DAW1: variants seen among roughly 807,000 people sequenced by gnomAD.
DAW1 encodes dynein assembly factor with WD repeats 1.
In DAW1, 47 loss-of-function variants were observed where a neutral mutation model predicts 56.5. That is an observed-to-expected ratio of 0.83 (90% confidence interval 0.66 to 1.06). The LOEUF is 1.06. Ranked by LOEUF, DAW1 falls within the 50% of genes least tolerant of loss-of-function variation. The pLI is 0.00. For synonymous variants in DAW1, 190 were observed against 179.0 expected (o/e 1.06, Z -0.49); for missense variants, 505 against 499.3 (o/e 1.01, Z -0.11).
chr2:227,896,319 A>ATAATGCCATATCCT (rs1315072377), intron 5 of DAW1, among the ~76,000 whole-genome samples: 3 of 152,206 alleles, frequency 2.0e-5, no homozygotes, highest in African/African-American at 4.8e-5. Context: ...TCTCTATAAC[A>ATAATGCCATATCCT]TAATGCCATA....
intron 9 of DAW1, 32 bp from the exon 10 acceptor site, chr2:227,907,103 CTTT>C: frequency 8.7e-7 from 1 of 1,143,062 alleles, no homozygotes; most frequent in Non-Finnish European, 1.2e-6. Context: ...AAGTCATAGT[CTTT>C]TTTTTTTTGT....
chr2:227,923,364 A>C (rs1692152879), intron 12 of DAW1, among the ~76,000 whole-genome samples: 2 of 152,220 alleles, frequency 1.3e-5, no homozygotes, highest in Non-Finnish European at 2.9e-5. Context: ...ATTTGTTAAA[A>C]CATGAAGTGT....
chr2:227,887,032 G>C (rs1246615121), intron 2 of DAW1, among the ~76,000 whole-genome samples: 1 of 152,178 alleles, frequency 6.6e-6, no homozygotes, highest in Non-Finnish European at 1.5e-5. Flanking sequence ...TGATGAGAGA[G>C]GGGCTCTCTT....
chr2:227,903,022 T>C lies in DAW1; in HGVS notation c.561T>C (p.Pro187=). 1 of 1,614,190 alleles carries C rather than the reference T, an allele frequency of 6.2e-7. No homozygotes were observed. Among genetic ancestry groups the C allele is most frequent in the South Asian group, 1.1e-5 (1 of 91,078 alleles). The change falls in exon 7 of 13, where the codon CCT becomes CCC. Residue 187 remains proline, a synonymous_variant. Transcript: ENST00000309931. ...TAEIVCLSFN[P]QSTLVATGSM... ...TTTAGGTGTGTTTATCATTTAACCC[T>C]CAAAGCACATTGGTGGCGACTGGAA...
chr2:227,890,229 T>C (rs1441249897), intron 3 of DAW1, among the ~76,000 whole-genome samples: 1 of 152,224 alleles, frequency 6.6e-6, no homozygotes, highest in African/African-American at 2.4e-5. Context: ...CAGCTCTTCA[T>C]ATAATGATAA....
intron 10 of DAW1, among the ~76,000 whole-genome samples, chr2:227,916,514 A>G (rs1270179213): frequency 1.3e-5 from 2 of 152,148 alleles, no homozygotes; most frequent in African/African-American, 2.4e-5. Flanking sequence ...ATCTACTTGA[A>G]AACCAAGTAT....
At chr2:227,904,231 A>G (rs1177563997) in intron 7 of DAW1, among the ~76,000 whole-genome samples, 2 of 152,230 alleles carry the variant, frequency 1.3e-5, no homozygotes, top group East Asian at 1.9e-4. Context: ...AAATCAAGTT[A>G]TAATTCAACT....
intron 6 of DAW1, among the ~76,000 whole-genome samples, chr2:227,901,875 G>T (rs1691554584): frequency 1.3e-5 from 2 of 152,166 alleles, no homozygotes; most frequent in South Asian, 4.1e-4. Flanking sequence ...CTAGTCTACA[G>T]GGAAGGAAAA....
chr2:227,882,927 T>C (rs146002205), intron 1 of DAW1, among the ~76,000 whole-genome samples: 461 of 152,292 alleles, frequency 3.0e-3, no homozygotes, highest in Middle Eastern at 6.8e-3. Flanking sequence ...GAACTGTGAG[T>C]CAATTAAACC....
intron 1 of DAW1, among the ~76,000 whole-genome samples, chr2:227,878,218 C>T (rs1053540282): frequency 4.6e-5 from 7 of 152,156 alleles, no homozygotes; most frequent in African/African-American, 1.7e-4. Flanking sequence ...TTTATTTACT[C>T]AAGCATTTAT....
At chr2:227,902,872 C>A in intron 6 of DAW1, 130 bp from the exon 7 acceptor site, 3 of 900,692 alleles carry the variant, frequency 3.3e-6, no homozygotes, top group Middle Eastern at 2.3e-4. Context: ...GCAGGTCACA[C>A]ATACGTGGGG....
chr2:227,899,570 C>T (rs1691490009), intron 6 of DAW1, among the ~76,000 whole-genome samples: 1 of 152,144 alleles, frequency 6.6e-6, no homozygotes, highest in African/African-American at 2.4e-5. Flanking sequence ...AAAGAATGTG[C>T]TAATAACTAT....
In DAW1 at chr2:227,923,848, G is replaced by A. The variant is rs557481156; in HGVS notation, c.1214-86G>A. On this transcript the variant is annotated intron_variant, in intron 12 of 12. Transcript: ENST00000309931. Reference sequence around the variant, plus strand: ...ATTTAGCAAGTTGTTAATTACCAATGGCCCAGAAAATGTCAACTTGTAGAA... The same window carrying A: ...ATTTAGCAAGTTGTTAATTACCAATAGCCCAGAAAATGTCAACTTGTAGAA... 409 of 1,528,338 alleles carry A rather than the reference G, an allele frequency of 2.7e-4. 1 individual carries two copies. In the African/African-American group the frequency reaches 5.1e-3, roughly 19 times the overall value. The allele number at this position is 1,528,338 out of a possible 1,614,324, so 94.7% of individuals were successfully genotyped here. A position where few individuals can be genotyped will look rare whatever the true frequency, so the allele number is the denominator to read the frequency against.
chr2:227,899,187 C>G (rs10200305), intron 6 of DAW1, among the ~76,000 whole-genome samples: 99,910 of 151,322 alleles, frequency 0.66, 33,284 homozygotes, highest in East Asian at 0.82. Flanking sequence ...TACCTTAAAT[C>G]TTTTTAATCA....
At chr2:227,907,610 C>T (rs1317094136) in intron 10 of DAW1, among the ~76,000 whole-genome samples, 4 of 152,068 alleles carry the variant, frequency 2.6e-5, no homozygotes, top group African/African-American at 7.2e-5. Context: ...TGCAGTGGTG[C>T]GATCTCGGCT....
At chr2:227,891,130 A>G in intron 3 of DAW1, 125 bp from the exon 4 acceptor site, 1 of 790,160 alleles carries the variant, frequency 1.3e-6, no homozygotes, top group South Asian at 1.7e-5. Context: ...TCTAAAGGTA[A>G]ATCAGATATT....
intron 10 of DAW1, among the ~76,000 whole-genome samples, chr2:227,909,435 C>T (rs1691767170): frequency 6.8e-6 from 1 of 147,184 alleles, no homozygotes; most frequent in South Asian, 2.1e-4. Flanking sequence ...AGTATATAAC[C>T]AATAGTATAT....
chr2:227,902,712 A>G (rs1446569437), intron 6 of DAW1, among the ~76,000 whole-genome samples: 1 of 152,090 alleles, frequency 6.6e-6, no homozygotes, highest in African/African-American at 2.4e-5. Flanking sequence ...ACGGATCTTA[A>G]AGGAGGTGGG....
At chr2:227,915,957 C>G (rs949079445) in intron 10 of DAW1, among the ~76,000 whole-genome samples, 2 of 152,082 alleles carry the variant, frequency 1.3e-5, no homozygotes, top group Non-Finnish European at 2.9e-5. Flanking sequence ...GTGCCATCAC[C>G]TTGAAAGTTA....
Sources: allele counts gnomAD v4.1 joint callset (sites outside exome capture counted in the v4.1 genomes callset), GRCh38; gene constraint gnomAD v4.1.1; transcripts MANE v1.5; gene names NCBI Gene and HGNC (gene_info 2026-07-23, HGNC 2026-07-21).